Variants in CCDC33 observed in about 807,000 individuals in gnomAD.
CCDC33 encodes coiled-coil domain-containing protein 33.
A neutral mutation model predicts 91.9 loss-of-function variants in CCDC33; 94 were observed. That is an observed-to-expected ratio of 1.02 (90% CI 0.87 to 1.21). CCDC33 has a LOEUF of 1.21. Among genes scored for constraint, CCDC33 ranks in the 50% most tolerant of loss-of-function variants. The pLI is 0.00. For synonymous variants in CCDC33, 396 were observed against 374.5 expected, an observed-to-expected ratio of 1.06 and a Z score of -0.66; for missense variants, 940 against 935.5, an observed-to-expected ratio of 1.00 and a Z score of -0.06.
rs536597098 is a variant in CCDC33 at position 74,246,200 on chromosome 15, G to C, written c.185+2052G>C. Reference sequence around the variant, plus strand: ...TGTATTTGTGAAGACTTCAATGTAAGACCTGCAACTGTAACACCCCTAGAA... The same window carrying C: ...TGTATTTGTGAAGACTTCAATGTAACACCTGCAACTGTAACACCCCTAGAA... On this transcript the variant is annotated intron_variant, in intron 2 of 18. Coordinates refer to ENST00000398814, the MANE Select transcript of CCDC33 (RefSeq NM_025055.5). Among the ~76,000 whole-genome samples, 5 of 152,324 alleles carry C rather than the reference G, an allele frequency of 3.3e-5. No homozygotes were observed. The South Asian group carries it at 1.0e-3, about 32-fold the overall frequency.
chr15:74,265,556 T>C (rs574116484), intron 3 of CCDC33, among the ~76,000 whole-genome samples: 2 of 152,314 alleles, frequency 1.3e-5, no homozygotes, highest in Non-Finnish European at 2.9e-5. Flanking sequence ...GCTCCATTGT[T>C]CATATTTTAA....
At chr15:74,235,526 A>T (rs1331241388), upstream of CCDC33, among the ~76,000 whole-genome samples, 2 of 152,114 alleles carry the variant, frequency 1.3e-5, no homozygotes, top group Non-Finnish European at 2.9e-5. Context: ...CAGTACCCCA[A>T]ATCCCTCCTC....
intron 5 of CCDC33, among the ~76,000 whole-genome samples, chr15:74,268,760 A>C (rs2076238948): frequency 6.6e-6 from 1 of 152,202 alleles, no homozygotes. Context: ...TCTGTGCTGC[A>C]GTGGGGACCA....
At chr15:74,319,042 A>T (rs1020024830) in intron 11 of CCDC33, among the ~76,000 whole-genome samples, 1 of 152,122 alleles carries the variant, frequency 6.6e-6, no homozygotes, top group African/African-American at 2.4e-5. Context: ...CTGGTAGTGC[A>T]TGTGTGGTGC....
intron 2 of CCDC33, among the ~76,000 whole-genome samples, chr15:74,228,829 A>T (rs1176296166): frequency 6.6e-6 from 1 of 152,174 alleles, no homozygotes; most frequent in Admixed American, 6.5e-5. Context: ...CTGCATTAAT[A>T]CGCTGCAAAT....
intron 1 of CCDC33, among the ~76,000 whole-genome samples, chr15:74,242,530 C>G (rs1595923585): frequency 6.6e-6 from 1 of 152,160 alleles, no homozygotes; most frequent in Non-Finnish European, 1.5e-5. Flanking sequence ...TGCCAGTGGC[C>G]CCTCAGGGCC....
chr15:74,290,675 G>A (rs351196), intron 10 of CCDC33, among the ~76,000 whole-genome samples: 5,288 of 152,280 alleles, frequency 0.035, 208 homozygotes, highest in African/African-American at 0.099. Flanking sequence ...GCATGACAGT[G>A]TCTGGAGCAC....
upstream of CCDC33, among the ~76,000 whole-genome samples, chr15:74,234,448 G>A (rs905497541): frequency 1.3e-5 from 2 of 152,098 alleles, no homozygotes; most frequent in African/African-American, 4.8e-5. Context: ...TAGAGCAGCT[G>A]GGCTCATGCT....
At position 74,295,885 on chromosome 15, in the gene CCDC33, G is replaced by C. The variant is rs924160630; in HGVS notation, c.1227G>C (p.Leu409Phe). The C allele has an allele frequency of 1.9e-6, 3 of 1,614,046 alleles. No individual in the cohort carries two copies. The highest frequency in any genetic ancestry group is 2.7e-5 in the African/African-American group (2 of 74,926). ...SKDTVSSTMD[L>F]STSTPREAEE... ...ACACAGTGAGCTCCACAATGGACTT[G>C]AGCACGTCCACTCCACGAGAAGCAG... The change falls in exon 11 of 19, where the codon TTG (leucine) becomes TTC (phenylalanine). Residue 409 changes from leucine (L) to phenylalanine (F), a missense_variant. By Grantham distance (22) the Leu-to-Phe change is conservative. Coordinates refer to ENST00000398814, the MANE Select transcript of CCDC33 (RefSeq NM_025055.5).
intron 10 of CCDC33, among the ~76,000 whole-genome samples, chr15:74,291,763 G>T (rs2059589105): frequency 6.6e-6 from 1 of 152,230 alleles, no homozygotes. Context: ...TAGGAGGAAG[G>T]CAGAGGATGT....
intron 4 of CCDC33, 104 bp downstream of exon 4, chr15:74,266,891 C>T (rs2076180147): frequency 1.3e-6 from 1 of 782,636 alleles, no homozygotes; most frequent in Non-Finnish European, 2.2e-6. Flanking sequence ...CACCCACCCA[C>T]AGCATGACAA....
chr15:74,263,385 C>T (rs1389117986), intron 3 of CCDC33, among the ~76,000 whole-genome samples: 2 of 152,168 alleles, frequency 1.3e-5, no homozygotes, highest in East Asian at 1.9e-4. Flanking sequence ...GGTGGTCTCT[C>T]CCTGAGAGGA....
intron 10 of CCDC33, among the ~76,000 whole-genome samples, chr15:74,282,915 C>A (rs2059396437): frequency 6.6e-6 from 1 of 152,194 alleles, no homozygotes; most frequent in Non-Finnish European, 1.5e-5. Context: ...GGACCATGAA[C>A]CCAGAAAGTG....
At chr15:74,295,657 T>G in intron 10 of CCDC33, 97 bp from the exon 11 acceptor site, 6 of 1,051,118 alleles carry the variant, frequency 5.7e-6, no homozygotes, top group Non-Finnish European at 8.3e-6. Flanking sequence ...TCCTGAGCCA[T>G]GAGGAGGAGA....
chr15:74,259,739 T>C (rs1052843553), intron 2 of CCDC33, among the ~76,000 whole-genome samples: 4 of 152,028 alleles, frequency 2.6e-5, no homozygotes, highest in Admixed American at 6.6e-5. Context: ...CCCAGGAGGG[T>C]TGGGAGGATA....
At chr15:74,323,317 T>G (rs1277172404) in intron 11 of CCDC33, among the ~76,000 whole-genome samples, 1 of 152,060 alleles carries the variant, frequency 6.6e-6, no homozygotes, top group Non-Finnish European at 1.5e-5. Context: ...CATTTCACAA[T>G]TTAAGAAAAA....
intron 9 of CCDC33, 95 bp downstream of exon 9, chr15:74,280,896 T>A: frequency 8.1e-7 from 1 of 1,239,534 alleles, no homozygotes; most frequent in Non-Finnish European, 1.0e-6. Context: ...ATAGGAGAAT[T>A]TGGCTTCTCC....
chr15:74,238,878 G>C (rs1023431343), intron 1 of CCDC33, among the ~76,000 whole-genome samples: 4 of 152,236 alleles, frequency 2.6e-5, no homozygotes, highest in African/African-American at 9.6e-5. Flanking sequence ...CCAGCTTCCA[G>C]TTCCAGCCCT....
chr15:74,203,760 G>A (rs549294481), intron 1 of CCDC33, among the ~76,000 whole-genome samples: 1 of 152,350 alleles, frequency 6.6e-6, no homozygotes, highest in South Asian at 2.1e-4. Flanking sequence ...GGGAATCACA[G>A]GTTGAGCTGG....
Sources: allele counts gnomAD v4.1 joint callset (sites outside exome capture counted in the v4.1 genomes callset), GRCh38; gene constraint gnomAD v4.1.1; transcripts MANE v1.5; gene names NCBI Gene and HGNC (gene_info 2026-07-23, HGNC 2026-07-21).